The following FAT1 variants were observed in gnomAD, a reference collection of about 807,000 sequenced individuals.
FAT1 encodes the protein FAT atypical cadherin 1.
A neutral mutation model predicts 329.8 loss-of-function variants in FAT1; 171 were observed. The observed-to-expected ratio is 0.52, with a 90% CI of 0.46 to 0.59. The LOEUF (loss-of-function observed/expected upper bound fraction) is 0.59, where lower values mean the gene tolerates loss of function less well. Among genes scored for constraint, FAT1 ranks in the 20% least tolerant of loss-of-function variants. The pLI is 0.00. For missense variants in FAT1, 5,672 were observed against 5,774.4 expected (o/e 0.98, Z 0.57); for synonymous variants, 2,233 against 2,228.6 (o/e 1.00, Z -0.06).
At chr4:186,593,830 A>G (rs1056512280) in intron 26 of FAT1, among the ~76,000 whole-genome samples, 2 of 152,188 alleles carry the variant, frequency 1.3e-5, no homozygotes, top group African/African-American at 4.8e-5. Flanking sequence ...GAATGACAGC[A>G]ACACAAGTCT....
chr4:186,648,473 A>C (rs1741483090), intron 3 of FAT1, among the ~76,000 whole-genome samples: 1 of 152,142 alleles, frequency 6.6e-6, no homozygotes, highest in Non-Finnish European at 1.5e-5. Flanking sequence ...GACTTTTTCT[A>C]ATGTTTTTGA....
At chr4:186,720,130 A>C (rs1254958406) in intron 1 of FAT1, among the ~76,000 whole-genome samples, 4 of 152,224 alleles carry the variant, frequency 2.6e-5, no homozygotes, top group Non-Finnish European at 5.9e-5. Context: ...TGAGCCAATA[A>C]CACCACCTAG....
At position 186,636,653 on chromosome 4, in the gene FAT1, T is replaced by A. The variant is rs752677928; in HGVS notation, c.3904A>T (p.Ile1302Phe). The A allele has an allele frequency of 6.2e-7, 1 of 1,613,960 alleles. No homozygotes were observed. Among genetic ancestry groups the A allele is most frequent in the Non-Finnish European group, 8.5e-7 (1 of 1,179,884 alleles). Residue 1302 changes from isoleucine to phenylalanine, a missense_variant, in exon 5 of 27, where the codon ATC becomes TTC. By Grantham distance (21) the Ile-to-Phe change is conservative. Around this residue, in one of 2 missense-constraint regions of FAT1, gnomAD observed 3,966 missense variants for 3,915.2 expected, o/e 1.01. Coordinates refer to ENST00000441802, the MANE Select transcript of FAT1 (RefSeq NM_005245.4). ...GAAACCACTCCAGTTTTCGGTTCGA[T>A]GAAAAATTTGCCATGCTCATTCCCG... ...EDGNEHGKFF[I>F]EPKTGVVSSK...
chr4:186,618,122 G>T lies in FAT1; in HGVS notation c.8464C>A (p.Leu2822Met). 1 of 1,614,022 alleles carries T rather than the reference G, an allele frequency of 6.2e-7. No homozygotes were observed. Among genetic ancestry groups the T allele is most frequent in the Non-Finnish European group, 8.5e-7 (1 of 1,179,902 alleles). ...SPYEAFIVEN[L>M]PGGSRVIQIR... ...TGAATTACTCTACTTCCCCCTGGCA[G>T]GTTTTCAACAATGAATGCCTCATAT... Residue 2822 changes from leucine to methionine, a missense_variant, in exon 10 of 27, where the codon CTG becomes ATG. Around this residue, in one of 2 missense-constraint regions of FAT1, gnomAD observed 3,966 missense variants for 3,915.2 expected, o/e 1.01. Coordinates refer to ENST00000441802, the MANE Select transcript of FAT1 (RefSeq NM_005245.4).
intron 3 of FAT1, among the ~76,000 whole-genome samples, chr4:186,651,814 C>T (rs1171464892): frequency 1.3e-5 from 2 of 152,196 alleles, no homozygotes; most frequent in African/African-American, 2.4e-5. Flanking sequence ...TCCGCAGCAC[C>T]GCACCGTCTT....
chr4:186,589,934 T>G (rs1264109812), intron 26 of FAT1, among the ~76,000 whole-genome samples: 1 of 152,198 alleles, frequency 6.6e-6, no homozygotes, highest in East Asian at 1.9e-4. Flanking sequence ...AAAATTACTA[T>G]TTTTCATTAA....
At chr4:186,703,631 A>G (rs1744433272) in intron 2 of FAT1, among the ~76,000 whole-genome samples, 1 of 152,226 alleles carries the variant, frequency 6.6e-6, no homozygotes, top group Admixed American at 6.5e-5. Context: ...AATTAGCGCA[A>G]TATTAAATGC....
chr4:186,595,738 A>C lies in FAT1; in HGVS notation c.13089T>G (p.Ser4363=). The C allele has an allele frequency of 6.2e-7, 1 of 1,614,002 alleles. No homozygotes were observed. The highest frequency in any genetic ancestry group is 8.5e-7 in the Non-Finnish European group (1 of 1,179,894). Residue 4363 remains serine (S), a synonymous_variant, in exon 26 of 27, where the codon TCT becomes TCG. Transcript: ENST00000441802. Reference sequence around the variant, plus strand: ...GGAAGGAGCTCAGAGACTGCACTTCAGACAGGCTTTCCCGGGCACTGTATG... The same window carrying C: ...GGAAGGAGCTCAGAGACTGCACTTCCGACAGGCTTTCCCGGGCACTGTATG... ...SQPYSARESL[S]EVQSLSSFQS... is the part of the protein sequence containing the mutation.
chr4:186,700,186 G>A (rs1474191317), intron 2 of FAT1, among the ~76,000 whole-genome samples: 2 of 152,162 alleles, frequency 1.3e-5, no homozygotes, highest in African/African-American at 4.8e-5. Flanking sequence ...TAGCTTTGGC[G>A]TGCAGGCCTG....
At chr4:186,689,722 G>A (rs772284479) in intron 2 of FAT1, among the ~76,000 whole-genome samples, 3 of 152,122 alleles carry the variant, frequency 2.0e-5, no homozygotes, top group African/African-American at 7.2e-5. Context: ...ACCCACACCA[G>A]GCTAATTCAA....
intron 17 of FAT1, 146 bp downstream of exon 17, chr4:186,605,924 T>C: frequency 1.4e-6 from 1 of 717,498 alleles, no homozygotes; most frequent in Non-Finnish European, 2.3e-6. Context: ...AAAATGCTCA[T>C]CTTTTAATAC....
intron 9 of FAT1, among the ~76,000 whole-genome samples, chr4:186,622,743 G>A (rs1247251172): frequency 1.3e-5 from 2 of 152,182 alleles, no homozygotes; most frequent in Non-Finnish European, 2.9e-5. Context: ...GGGTGGCGTT[G>A]CAGGTTCTCA....
At position 186,628,545 on chromosome 4, in the gene FAT1, G is replaced by T. The variant is rs773750459; in HGVS notation, c.4542C>A (p.Leu1514=). The change falls in exon 8 of 27, where the codon CTC becomes CTA. Residue 1514 remains leucine, a synonymous_variant. Coordinates refer to ENST00000441802, the MANE Select transcript of FAT1 (RefSeq NM_005245.4). ...KFRLDPATGS[L]YTSEKLDHEA... is the part of the protein sequence containing the mutation. ...CATGATCCAGTTTCTCAGAAGTATA[G>T]AGAGAGCCGGTTGCAGGATCAAGAC... 8 of 1,613,978 alleles carry T rather than the reference G, an allele frequency of 5.0e-6. No individual in the cohort carries two copies. Among genetic ancestry groups the T allele is most frequent in the Non-Finnish European group, 5.9e-6 (7 of 1,179,888 alleles).
intron 2 of FAT1, among the ~76,000 whole-genome samples, chr4:186,666,108 C>T (rs1742425489): frequency 6.6e-6 from 1 of 151,264 alleles, no homozygotes; most frequent in South Asian, 2.1e-4. Context: ...ATGGGTAAAG[C>T]ACACCAACAT....
rs1738615129 is a variant in FAT1 at position 186,598,009 on chromosome 4, A to C, written c.12220T>G (p.Phe4074Val). ...TATAATCCTCTACACTGGCAAACAAAGCCTCCGTTGTCGACAACACACGTG... is the reference window on the plus strand; with the variant it reads ...TATAATCCTCTACACTGGCAAACAACGCCTCCGTTGTCGACAACACACGTG... ...GGTCVVDNGG[F>V]VCQCRGLYTG... The change falls in exon 23 of 27, where the codon TTT becomes GTT. Residue 4074 changes from phenylalanine (F) to valine (V), a missense_variant. Phe to Val is a conservative substitution (Grantham distance 50). Coordinates refer to ENST00000441802, the MANE Select transcript of FAT1 (RefSeq NM_005245.4). 2 of 1,613,130 alleles carry C rather than the reference A, an allele frequency of 1.2e-6. No homozygotes were observed. The highest frequency in any genetic ancestry group is 2.7e-5 in the African/African-American group (2 of 74,872).
At chr4:186,656,552 A>G (rs1285797282) in intron 3 of FAT1, among the ~76,000 whole-genome samples, 1 of 152,250 alleles carries the variant, frequency 6.6e-6, no homozygotes, top group Non-Finnish European at 1.5e-5. Flanking sequence ...ACACATACAC[A>G]TACATCACAA....
intron 9 of FAT1, among the ~76,000 whole-genome samples, chr4:186,626,991 C>A (rs1240258536): frequency 4.5e-5 from 4 of 88,880 alleles, no homozygotes; most frequent in South Asian, 9.2e-4. Context: ...GCACATAAAG[C>A]GAGCTTCATC....
chr4:186,625,938 C>G (rs1484455929), intron 9 of FAT1, among the ~76,000 whole-genome samples: 1 of 147,574 alleles, frequency 6.8e-6, no homozygotes, highest in African/African-American at 2.5e-5. Flanking sequence ...GTGAGCTTCA[C>G]CAGCCCACAG....
chr4:186,663,234 C>G (rs2126616159), intron 3 of FAT1, 65 bp downstream of exon 3: 1 of 1,220,712 alleles, frequency 8.2e-7, no homozygotes, highest in East Asian at 2.5e-5. Flanking sequence ...AATGCTAATT[C>G]TTACTTTTCC....
Sources: gnomAD v4.1 joint callset for allele counts (sites outside exome capture counted in the v4.1 genomes callset) on GRCh38, gnomAD v4.1.1 for gene constraint, gnomAD v4.1.1 regional missense constraint, MANE v1.5 for transcripts, NCBI Gene and HGNC (gene_info 2026-07-23, HGNC 2026-07-21) for gene names.